Variants in NHSL2 observed in about 807,000 individuals in gnomAD.
The protein encoded by NHSL2 is NHS-like protein 2.
In NHSL2, 27 loss-of-function variants were observed where a neutral mutation model predicts 53.4. The observed-to-expected ratio is 0.51, with a 90% CI of 0.37 to 0.70. NHSL2 has a LOEUF of 0.70. Among genes scored for constraint, NHSL2 ranks in the 30% least tolerant of loss-of-function variants. The pLI, the probability that NHSL2 is intolerant of heterozygous loss-of-function variation, is 0.00. For missense variants in NHSL2, 892 were observed against 980.1 expected (o/e 0.91, Z 1.20); for synonymous variants, 408 against 404.1 (o/e 1.01, Z -0.12).
chrX:71,943,157 G>C (rs1390407315), intron 1 of NHSL2, among the ~76,000 whole-genome samples: 1 of 110,512 alleles, frequency 9.0e-6, no homozygotes, highest in African/African-American at 3.3e-5. Context: ...TCACTATGTT[G>C]CCCAGGCTGG....
At chrX:72,006,152 TCTC>T (rs913008030) in intron 1 of NHSL2, among the ~76,000 whole-genome samples, 3 of 112,159 alleles carry the variant, frequency 2.7e-5, no homozygotes, top group African/African-American at 9.7e-5. Flanking sequence ...ACTGCAGCAA[TCTC>T]CTTACTGGCC....
intron 1 of NHSL2, among the ~76,000 whole-genome samples, chrX:72,028,008 G>A (rs1302885014): frequency 8.9e-6 from 1 of 111,784 alleles, no homozygotes; most frequent in Non-Finnish European, 1.9e-5. Context: ...TGCTGCTGCT[G>A]CTGCCACTGC....
chrX:72,015,853 T>C (rs772830219), intron 1 of NHSL2, among the ~76,000 whole-genome samples: 1 of 112,634 alleles, frequency 8.9e-6, no homozygotes, highest in Non-Finnish European at 1.9e-5. Flanking sequence ...TTTATTGATT[T>C]ACAGAAATTC....
chrX:72,132,201 G>C lies in NHSL2; in HGVS notation c.403G>C (p.Glu135Gln). The C allele has an allele frequency of 8.6e-7, 1 of 1,165,439 alleles. No homozygotes were observed. The highest frequency in any genetic ancestry group is 2.6e-5 in the Admixed American group (1 of 38,560). ...CCCGAGTGTAGAGGAGCTGCTTCGG[G>C]AGGCGCAGCTCAATCTCCAGAGCCT... ...RPPSVEELLR[E>Q]AQLNLQSLLQ... is the part of the protein sequence containing the mutation. Residue 135 changes from glutamate (E) to glutamine (Q), a missense_variant, in exon 2 of 8, where the codon GAG becomes CAG. Glu to Gln is a conservative substitution (Grantham distance 29). Coordinates refer to ENST00000633930, the MANE Select transcript of NHSL2 (RefSeq NM_001013627.3).
intron 1 of NHSL2, among the ~76,000 whole-genome samples, chrX:72,113,030 T>C (rs1206582988): frequency 8.9e-6 from 1 of 112,262 alleles, no homozygotes; most frequent in Non-Finnish European, 1.9e-5. Context: ...GAGATCTTTA[T>C]TATATTCTAG....
intron 1 of NHSL2, among the ~76,000 whole-genome samples, chrX:71,944,296 C>T (rs771768252): frequency 8.9e-6 from 1 of 112,238 alleles, no homozygotes; most frequent in African/African-American, 3.2e-5. Flanking sequence ...GTTCTGTTAG[C>T]AAGGAAGAAG....
At chrX:72,135,255 A>G (rs1442426922) in intron 4 of NHSL2, among the ~76,000 whole-genome samples, 1 of 111,788 alleles carries the variant, frequency 8.9e-6, no homozygotes, top group East Asian at 2.8e-4. Flanking sequence ...AGTGGTAGAA[A>G]GGTCCTAAGG....
intron 1 of NHSL2, among the ~76,000 whole-genome samples, chrX:71,940,816 G>A (rs985618516): frequency 1.8e-5 from 2 of 111,221 alleles, no homozygotes; most frequent in South Asian, 3.8e-4. Flanking sequence ...CAATGGAGAC[G>A]GAAAATAAAA....
At chrX:72,106,134 C>CG (rs1285380798) in intron 1 of NHSL2, among the ~76,000 whole-genome samples, 4 of 110,189 alleles carry the variant, frequency 3.6e-5, no homozygotes, top group Non-Finnish European at 7.6e-5. Flanking sequence ...GCGTGAACCC[C>CG]GGGGGGGCAG....
intron 1 of NHSL2, chrX:72,044,795 T>G (rs1407508321): frequency 1.8e-6 from 2 of 1,103,827 alleles, no homozygotes; most frequent in East Asian, 6.0e-5. Context: ...AGCAAAGTAG[T>G]CAGGAATCGA....
In NHSL2 at chrX:72,056,440, C is replaced by G. The variant is rs113543391; in HGVS notation, c.281-75639C>G. Among the ~76,000 whole-genome samples, 508 of 111,670 alleles carry G rather than the reference C, an allele frequency of 4.5e-3. 3 individuals are homozygous for G. The highest frequency in any genetic ancestry group is 0.016 in the African/African-American group (491 of 30,657). On this transcript the variant is annotated intron_variant, in intron 1 of 7. Transcript: ENST00000633930. The stretch of plus-strand genomic sequence containing the variant: ...AAGTGTCTATTTACCAACAGGCCTC[C>G]TAGACTATATCAAGCCTCACCAATA...
In NHSL2 at chrX:72,138,681, G is replaced by A. The variant is rs754933440; in HGVS notation, c.1133G>A (p.Ser378Asn). 2.5e-6 allele frequency: 3 copies of A among 1,193,111 alleles called. No homozygotes were observed. The highest frequency in any genetic ancestry group is 3.7e-5 in the South Asian group (2 of 54,322). The part of the protein sequence containing the change: ...ESMGMVYSVP[S>N]SCNGPTESTF... ...ATGGGAATGGTGTACAGTGTCCCCAGTTCTTGCAATGGACCTACAGAATCA... is the reference window on the plus strand; with the variant it reads ...ATGGGAATGGTGTACAGTGTCCCCAATTCTTGCAATGGACCTACAGAATCA... Residue 378 changes from serine to asparagine, a missense_variant, in exon 6 of 8, where the codon AGT becomes AAT. Transcript: ENST00000633930.
intron 1 of NHSL2, among the ~76,000 whole-genome samples, chrX:71,972,231 C>T (rs2041928166): frequency 9.0e-6 from 1 of 111,041 alleles, no homozygotes; most frequent in Non-Finnish European, 1.9e-5. Flanking sequence ...GACGGGGTTT[C>T]ACCATGTTGG....
At chrX:72,131,042 G>A in intron 1 of NHSL2, 1 of 1,210,942 alleles carries the variant, frequency 8.3e-7, no homozygotes, top group African/African-American at 1.7e-5. Context: ...AGCTGCATCA[G>A]GAATTCAGCC....
intron 1 of NHSL2, among the ~76,000 whole-genome samples, chrX:72,063,118 T>C (rs2042408241): frequency 1.8e-5 from 2 of 112,072 alleles, no homozygotes; most frequent in South Asian, 7.4e-4. Flanking sequence ...TCCACCCCCT[T>C]GGCCTTGGCC....
intron 1 of NHSL2, among the ~76,000 whole-genome samples, chrX:72,076,625 C>T (rs928395665): frequency 8.9e-6 from 1 of 111,818 alleles, no homozygotes; most frequent in Non-Finnish European, 1.9e-5. Context: ...CCAGACAAGG[C>T]TCTGACATTG....
chrX:72,050,450 T>C (rs1341525279), intron 1 of NHSL2, among the ~76,000 whole-genome samples: 1 of 111,985 alleles, frequency 8.9e-6, no homozygotes, highest in East Asian at 2.8e-4. Context: ...CTCCCCTTTT[T>C]TCCTTTTTTC....
Position 72,140,427 on chromosome X carries a change from T to G in NHSL2, c.2879T>G (p.Phe960Cys), listed in dbSNP as rs189625520. The G allele has an allele frequency of 1.7e-6, 2 of 1,209,853 alleles. No individual in the cohort carries two copies. Among genetic ancestry groups the G allele is most frequent in the African/African-American group, 3.5e-5 (2 of 57,685 alleles). Residue 960 changes from phenylalanine to cysteine, a missense_variant, in exon 6 of 8, where the codon TTC becomes TGC. Phe to Cys is a radical substitution (Grantham distance 205). Transcript: ENST00000633930. ...TPFASSSDAF[F>C]SGTQQPPQGS... ...TTTGCCAGTTCCTCTGATGCTTTCT[T>G]CTCAGGAACACAGCAGCCTCCCCAG...
rs180863027 is a variant in NHSL2, at chrX:71,999,346, A to G, written c.280+87979A>G. 2.7e-5 allele frequency among the ~76,000 whole-genome samples: 3 copies of G among 112,492 alleles called. No individual in the cohort carries two copies. In the Admixed American group the frequency reaches 2.8e-4, roughly 11 times the overall value. ...ATAAATATTTGTGAAATTAATGGGG[A>G]AAAAACCGTGAATGAATTGTTTGTC... On this transcript the variant is annotated intron_variant, in intron 1 of 7. Coordinates refer to ENST00000633930, the MANE Select transcript of NHSL2 (RefSeq NM_001013627.3).
Sources: gnomAD v4.1 joint callset for allele counts (sites outside exome capture counted in the v4.1 genomes callset) on GRCh38, gnomAD v4.1.1 for gene constraint, MANE v1.5 for transcripts, NCBI Gene and HGNC (gene_info 2026-07-23, HGNC 2026-07-21) for gene names.